Variants in MSR1 observed in about 807,000 individuals in gnomAD.
MSR1 encodes macrophage scavenger receptor types I and II.
A neutral mutation model predicts 47.2 loss-of-function variants in MSR1; 53 were observed. That is an observed-to-expected ratio of 1.12 (90% CI 0.90 to 1.41). The LOEUF (loss-of-function observed/expected upper bound fraction) is 1.41, where lower values mean the gene tolerates loss of function less well. MSR1 is among the 40% of genes most tolerant of loss of function. MSR1 has a pLI of 0.00. For missense variants in MSR1, 786 were observed against 546.9 expected (o/e 1.44, Z -4.36); for synonymous variants, 239 against 185.6 (o/e 1.29, Z -2.34).
chr8:16,167,965 G>C (rs958915080), intron 4 of MSR1, among the ~76,000 whole-genome samples: 18 of 152,090 alleles, frequency 1.2e-4, no homozygotes, highest in African/African-American at 4.3e-4. Context: ...TTGGGATGAG[G>C]TTCACCAACA....
At chr8:16,152,338 G>A (rs896611666) in intron 6 of MSR1, among the ~76,000 whole-genome samples, 2 of 152,106 alleles carry the variant, frequency 1.3e-5, no homozygotes, top group African/African-American at 2.4e-5. Flanking sequence ...GCTTTAGGGA[G>A]GGGCCTTCTT....
intron 1 of MSR1, chr8:16,186,275 G>A: frequency 1.5e-6 from 2 of 1,344,320 alleles, no homozygotes; most frequent in Non-Finnish European, 2.0e-6. Context: ...AGCAGAGTGA[G>A]CCAGGGTCCA....
At chr8:16,185,656 C>G (rs1051361479) in intron 1 of MSR1, among the ~76,000 whole-genome samples, 2 of 152,004 alleles carry the variant, frequency 1.3e-5, no homozygotes, top group Admixed American at 6.6e-5. Context: ...CCATTCTATT[C>G]CAATTTTTGG....
chr8:16,170,243 G>A (rs1386694830), intron 3 of MSR1, among the ~76,000 whole-genome samples: 1 of 151,962 alleles, frequency 6.6e-6, no homozygotes, highest in Non-Finnish European at 1.5e-5. Flanking sequence ...ATCTACTCAG[G>A]AGGCTGAGGC....
At chr8:16,121,729 G>T (rs1800009968) in intron 8 of MSR1, among the ~76,000 whole-genome samples, 1 of 151,708 alleles carries the variant, frequency 6.6e-6, no homozygotes, top group South Asian at 2.1e-4. Context: ...TAAGTTTGAG[G>T]AATGTTATAT....
chr8:16,110,099 T>A lies in MSR1; in HGVS notation c.1342A>T (p.Thr448Ser). 1 of 1,613,680 alleles carries A rather than the reference T, an allele frequency of 6.2e-7. No homozygotes were observed. The highest frequency in any genetic ancestry group is 8.5e-7 in the Non-Finnish European group (1 of 1,179,704). ...ACSHSEDAGVTCTL is the reference protein window; with the variant it reads ...ACSHSEDAGVSCTL Reference sequence around the variant, plus strand: ...AATATGATGCATTATAAAGTGCAAGTGACTCCAGCATCTTCAGAATGTGAA... The same window carrying A: ...AATATGATGCATTATAAAGTGCAAGAGACTCCAGCATCTTCAGAATGTGAA... Residue 448 changes from threonine (T) to serine (S), a missense_variant, in exon 10 of 10, where the codon ACT (threonine) becomes TCT (serine). Transcript: ENST00000262101.
At chr8:16,178,100 TTTC>T (rs1801710329) in intron 1 of MSR1, 108 bp from the exon 2 acceptor site, 1 of 847,494 alleles carries the variant, frequency 1.2e-6, no homozygotes, top group South Asian at 1.5e-5. Context: ...CTATTCAGTT[TTTC>T]TTTTTTTTTT....
rs116950600 is a variant in MSR1 at position 16,169,478 on chromosome 8, T to C, written c.218-608A>G. Among the ~76,000 whole-genome samples, 21 of 152,308 alleles carry C rather than the reference T, an allele frequency of 1.4e-4. No homozygotes were observed. The East Asian group carries it at 3.5e-3, about 25-fold the overall frequency. On this transcript the variant is annotated intron_variant, in intron 3 of 9. Coordinates refer to ENST00000262101, the MANE Select transcript of MSR1 (RefSeq NM_138715.3). ...TGGGCAAATACATTTTTTCACTTTATAAAGGTACGATTCTCATAAGACTCC... is the reference window on the plus strand; with the variant it reads ...TGGGCAAATACATTTTTTCACTTTACAAAGGTACGATTCTCATAAGACTCC...
chr8:16,132,819 G>C (rs746000899), intron 8 of MSR1, among the ~76,000 whole-genome samples: 1 of 148,124 alleles, frequency 6.8e-6, no homozygotes, highest in Non-Finnish European at 1.5e-5. Flanking sequence ...CTGAACAGGA[G>C]TAGTGGAGAG....
At chr8:16,169,549 A>T in intron 3 of MSR1, among the ~76,000 whole-genome samples, 1 of 152,232 alleles carries the variant, frequency 6.6e-6, no homozygotes, top group Non-Finnish European at 1.5e-5. Context: ...AAATTTAGAA[A>T]ATATACATAA....
chr8:16,157,005 C>G (rs1294590438), intron 5 of MSR1, among the ~76,000 whole-genome samples: 1 of 151,950 alleles, frequency 6.6e-6, no homozygotes, highest in East Asian at 1.9e-4. Flanking sequence ...GCAGGACAGA[C>G]ACTCAATTTA....
At chr8:16,137,946 C>T (rs188797836) in intron 8 of MSR1, among the ~76,000 whole-genome samples, 53 of 150,788 alleles carry the variant, frequency 3.5e-4, no homozygotes, top group East Asian at 2.0e-4. Context: ...GAGCTATGGT[C>T]GTGCCACTGT....
At chr8:16,133,583 T>G (rs1370619820) in intron 8 of MSR1, among the ~76,000 whole-genome samples, 1 of 152,148 alleles carries the variant, frequency 6.6e-6, no homozygotes, top group African/African-American at 2.4e-5. Flanking sequence ...CTCCAGGAAG[T>G]CAACAAGAAA....
In MSR1 at chr8:16,168,646, T is replaced by G. The variant is rs766597020; in HGVS notation, c.442A>C (p.Thr148Pro). The G allele has an allele frequency of 6.2e-7, 1 of 1,614,146 alleles. No individual in the cohort carries two copies. Among genetic ancestry groups the G allele is most frequent in the South Asian group, 1.1e-5 (1 of 91,076 alleles). The change falls in exon 4 of 10, where the codon ACT becomes CCT. Residue 148 changes from threonine (T) to proline (P), a missense_variant. Physicochemically the swap from Thr to Pro is conservative, Grantham distance 38. Transcript: ENST00000262101. ...TEHFQNFSMT[T>P]DQRFNDILLQ... ...AGAATGTCATTAAATCTTTGATCAG[T>G]TGTCATGCTGAAATTTTGGAAATGC... is the stretch of plus-strand genomic sequence containing the variant.
intron 8 of MSR1, among the ~76,000 whole-genome samples, chr8:16,138,008 GAA>G (rs778936817): frequency 6.5e-5 from 8 of 122,726 alleles, no homozygotes; most frequent in Non-Finnish European, 8.8e-5. Flanking sequence ...AAAGATAAAG[GAA>G]AAAAAAAAAA....
chr8:16,118,073 T>A (rs1226476495), intron 9 of MSR1, among the ~76,000 whole-genome samples: 1 of 152,140 alleles, frequency 6.6e-6, no homozygotes, highest in Non-Finnish European at 1.5e-5. Flanking sequence ...CTGCATAATA[T>A]AAGCATCAAA....
At chr8:16,170,930 A>G (rs1387131543) in intron 3 of MSR1, among the ~76,000 whole-genome samples, 1 of 152,220 alleles carries the variant, frequency 6.6e-6, no homozygotes, top group East Asian at 1.9e-4. Flanking sequence ...AGTGCCTTGT[A>G]CATGAGAGAC....
intron 9 of MSR1, among the ~76,000 whole-genome samples, chr8:16,114,960 G>A (rs563044920): frequency 8.6e-5 from 13 of 151,800 alleles, no homozygotes; most frequent in South Asian, 4.2e-4. Flanking sequence ...GGTGGATCTC[G>A]TGCGGTCAGG....
At position 16,164,063 on chromosome 8, in the gene MSR1, A is replaced by C. The variant is rs765670024; in HGVS notation, c.817+2T>G. The C allele has an allele frequency of 6.2e-7, 1 of 1,603,228 alleles. No individual in the cohort carries two copies. ...TTCTGGAGAAATGACAAGACATTTT[A>C]CCTTGAATTAAAGTGATATTTCTCA... On this transcript the variant is annotated splice_donor_variant, in intron 5 of 9. Coordinates refer to ENST00000262101, the MANE Select transcript of MSR1 (RefSeq NM_138715.3). LOFTEE classifies it high-confidence loss of function.
Sources: allele counts gnomAD v4.1 joint callset (sites outside exome capture counted in the v4.1 genomes callset), GRCh38; gene constraint gnomAD v4.1.1; transcripts MANE v1.5; gene names NCBI Gene and HGNC (gene_info 2026-07-23, HGNC 2026-07-21).